Variants in MYLK observed in about 807,000 individuals in gnomAD.
MYLK encodes the protein myosin light chain kinase.
Under a neutral mutation model 203.4 loss-of-function variants are expected in MYLK, and 106 were observed. The observed-to-expected ratio is 0.52, with a 90% CI of 0.45 to 0.61. MYLK has a LOEUF of 0.61. Among genes scored for constraint, MYLK ranks in the 20% least tolerant of loss-of-function variants. The pLI is 0.00. For missense variants in MYLK, 2,072 were observed against 2,442.3 expected (o/e 0.85, Z 3.20); for synonymous variants, 867 against 959.5 (o/e 0.90, Z 1.78).
chr3:123,635,258 C>T (rs936997070), intron 29 of MYLK, among the ~76,000 whole-genome samples: 4 of 152,226 alleles, frequency 2.6e-5, no homozygotes, highest in African/African-American at 9.6e-5. Flanking sequence ...CACCAGAGAG[C>T]CTCTTTTGGG....
chr3:123,869,834 C>T (rs1449220943), intron 2 of MYLK, among the ~76,000 whole-genome samples: 1 of 152,180 alleles, frequency 6.6e-6, no homozygotes, highest in Non-Finnish European at 1.5e-5. Context: ...GATTGAAACC[C>T]AGGTCTGTTA....
chr3:123,647,122 G>C (rs886111348), intron 27 of MYLK, 102 bp downstream of exon 27: 2 of 1,069,328 alleles, frequency 1.9e-6, no homozygotes, highest in African/African-American at 3.1e-5. Flanking sequence ...CCTGTCTGCA[G>C]TGCTTTCCAT....
At chr3:123,703,729 G>A (rs1389945501) in intron 16 of MYLK, among the ~76,000 whole-genome samples, 1 of 152,208 alleles carries the variant, frequency 6.6e-6, no homozygotes, top group East Asian at 1.9e-4. Context: ...CCAGTGTCAG[G>A]CCACTCTTTT....
chr3:123,682,419 GC>G, intron 19 of MYLK, 109 bp from the exon 20 acceptor site: 1 of 846,336 alleles, frequency 1.2e-6, no homozygotes, highest in Non-Finnish European at 1.9e-6. Flanking sequence ...AACTCTGAGG[GC>G]CCTTTGTGCC....
chr3:123,792,773 C>CA (rs1470190679), intron 4 of MYLK, among the ~76,000 whole-genome samples: 2 of 152,184 alleles, frequency 1.3e-5, no homozygotes, highest in Non-Finnish European at 2.9e-5. Flanking sequence ...CAGAGAGAAA[C>CA]AGACTCCTCA....
chr3:123,685,200 T>C (rs960477162), intron 19 of MYLK, among the ~76,000 whole-genome samples: 13 of 152,240 alleles, frequency 8.5e-5, no homozygotes, highest in Non-Finnish European at 1.8e-4. Flanking sequence ...CATCTCTGTT[T>C]CCACATCTGT....
intron 4 of MYLK, among the ~76,000 whole-genome samples, chr3:123,757,923 T>A (rs375595994): frequency 1.3e-5 from 2 of 152,160 alleles, no homozygotes; most frequent in African/African-American, 4.8e-5. Flanking sequence ...AGAGGACTGG[T>A]GATTAAAAAC....
chr3:123,723,520 A>G (rs1231363585), intron 12 of MYLK, among the ~76,000 whole-genome samples: 4 of 152,194 alleles, frequency 2.6e-5, no homozygotes, highest in Non-Finnish European at 5.9e-5. Flanking sequence ...ACTGCCGCCA[A>G]TGTGTCTCTT....
At chr3:123,856,818 T>C (rs924386772) in intron 2 of MYLK, among the ~76,000 whole-genome samples, 15 of 150,574 alleles carry the variant, frequency 1.0e-4, no homozygotes, top group East Asian at 2.0e-4. Context: ...AACTAAAGAG[T>C]TTCTGCACAG....
In MYLK at chr3:123,743,064, C is replaced by T. The variant is rs139476926; in HGVS notation, c.374-3063G>A. On this transcript the variant is annotated intron_variant, in intron 5 of 33. Transcript: ENST00000360304. ...AGATAGCAGTGATGGCTGCACAACA[C>T]TGTGAATGTACTTAATGACAATTGT... 1.9e-4 allele frequency among the ~76,000 whole-genome samples: 29 copies of T among 152,234 alleles called. No individual in the cohort carries two copies. The East Asian group carries it at 5.6e-3, about 29-fold the overall frequency.
In MYLK at chr3:123,707,795, C is replaced by G. The variant is rs1178533247; in HGVS notation, c.2349G>C (p.Lys783Asn). The change falls in exon 16 of 34, where the codon AAG (lysine) becomes AAC (asparagine). Residue 783 changes from lysine to asparagine, a missense_variant. Physicochemically the swap from Lys to Asn is moderately conservative, Grantham distance 94 (BLOSUM62 0). Coordinates refer to ENST00000360304, the MANE Select transcript of MYLK (RefSeq NM_053025.4). ...NEDVFTLVLK[K>N]VQPWHAGQYE... ...ACTGGCCGGCATGCCAGGGCTGCAC[C>G]TTCTTTAGAACCAGGGTGAACACGT... is the stretch of plus-strand genomic sequence containing the variant. 2.5e-6 allele frequency: 4 copies of G among 1,614,212 alleles called. No individual in the cohort carries two copies. The highest frequency in any genetic ancestry group is 3.4e-6 in the Non-Finnish European group (4 of 1,180,044).
At chr3:123,683,208 G>T (rs2060330166) in intron 19 of MYLK, among the ~76,000 whole-genome samples, 1 of 151,676 alleles carries the variant, frequency 6.6e-6, no homozygotes, top group Non-Finnish European at 1.5e-5. Context: ...ACTCTTTGGG[G>T]ACGGCGCTGA....
chr3:123,844,951 C>T (rs1409892071), intron 2 of MYLK, among the ~76,000 whole-genome samples: 2 of 151,916 alleles, frequency 1.3e-5, no homozygotes, highest in African/African-American at 4.8e-5. Context: ...AAGCAATCCT[C>T]CTGCCTCAGC....
intron 26 of MYLK, among the ~76,000 whole-genome samples, chr3:123,647,863 T>C (rs2059076816): frequency 6.6e-6 from 1 of 152,122 alleles, no homozygotes; most frequent in Admixed American, 6.5e-5. Flanking sequence ...TTGAAGCACA[T>C]TTCTAATGTT....
chr3:123,848,136 C>G (rs917236433), intron 2 of MYLK, among the ~76,000 whole-genome samples: 1 of 151,554 alleles, frequency 6.6e-6, no homozygotes, highest in Non-Finnish European at 1.5e-5. Flanking sequence ...ATGTGTCCTC[C>G]TAATCCAAAT....
intron 2 of MYLK, among the ~76,000 whole-genome samples, chr3:123,872,068 G>A (rs2032826633): frequency 6.6e-6 from 1 of 151,954 alleles, no homozygotes; most frequent in Admixed American, 6.6e-5. Context: ...ATGACCAGCA[G>A]GCCAAATCCA....
chr3:123,692,085 T>C (rs1404790773), intron 19 of MYLK, among the ~76,000 whole-genome samples: 1 of 152,210 alleles, frequency 6.6e-6, no homozygotes, highest in Non-Finnish European at 1.5e-5. Context: ...CTTCCTGCAT[T>C]TCCTTAGGAC....
Position 123,733,834 on chromosome 3 carries a change from C to G in MYLK, c.1162G>C (p.Gly388Arg), listed in dbSNP as rs771223914. 6 of 1,614,080 alleles carry G rather than the reference C, an allele frequency of 3.7e-6. No individual in the cohort carries two copies. The highest frequency in any genetic ancestry group is 5.1e-6 in the Non-Finnish European group (6 of 1,180,044). The change falls in exon 10 of 34, where the codon GGC becomes CGC. Residue 388 changes from glycine (G) to arginine (R), a missense_variant. By Grantham distance (125) the Gly-to-Arg change is moderately radical (BLOSUM62 -2). Coordinates refer to ENST00000360304, the MANE Select transcript of MYLK (RefSeq NM_053025.4). Reference protein sequence around the residue: ...RPATFPTRQPGLGSQDVVSKA... With the variant: ...RPATFPTRQPRLGSQDVVSKA... ...CTCACAACATCTTGGCTCCCCAGGC[C>G]AGGCTGCCTGGTGGGGAAGGTGGCT...
chr3:123,763,389 C>T (rs997032889), intron 4 of MYLK, among the ~76,000 whole-genome samples: 6 of 152,288 alleles, frequency 3.9e-5, no homozygotes, highest in Admixed American at 3.3e-4. Flanking sequence ...CCTCACCATC[C>T]TCTTGGAAAT....
Sources: gnomAD v4.1 joint callset for allele counts (sites outside exome capture counted in the v4.1 genomes callset) on GRCh38, gnomAD v4.1.1 for gene constraint, MANE v1.5 for transcripts, NCBI Gene and HGNC (gene_info 2026-07-23, HGNC 2026-07-21) for gene names.